The following BARHL2 variants were observed in gnomAD, a reference collection of about 807,000 sequenced individuals.
The protein encoded by BARHL2 is BarH like homeobox 2.
Under a neutral mutation model 27.1 loss-of-function variants are expected in BARHL2, and 10 were observed. The ratio of observed to expected loss-of-function variants is 0.37; its 90% CI spans 0.23 to 0.63. BARHL2 has a LOEUF of 0.63. Among genes scored for constraint, BARHL2 ranks in the 20% least tolerant of loss-of-function variants. The pLI, the probability that BARHL2 is intolerant of heterozygous loss-of-function variation, is 0.65. For synonymous variants in BARHL2, 248 were observed against 224.7 expected (o/e 1.10, Z -0.93); for missense variants, 483 against 533.5 (o/e 0.91, Z 0.93).
At chr1:90,715,483 C>T (rs1275791726) in intron 1 of BARHL2, among the ~76,000 whole-genome samples, 2 of 151,982 alleles carry the variant, frequency 1.3e-5, no homozygotes, top group Non-Finnish European at 2.9e-5. Flanking sequence ...CTGTTTGTAC[C>T]CGTTTGTGCA....
At chr1:90,712,906 CTCTGCTG>C (rs1241337326) in intron 2 of BARHL2, among the ~76,000 whole-genome samples, 1 of 152,182 alleles carries the variant, frequency 6.6e-6, no homozygotes, top group Non-Finnish European at 1.5e-5. Context: ...TAAACCTCTG[CTCTGCTG>C]TCGCCCCCCT....
chr1:90,714,478 G>T, intron 2 of BARHL2, 53 bp downstream of exon 2: 2 of 1,517,074 alleles, frequency 1.3e-6, no homozygotes, highest in South Asian at 1.1e-5. Flanking sequence ...TTGGTATAAT[G>T]ATCATGACTT....
intron 2 of BARHL2, 69 bp downstream of exon 2, chr1:90,714,459 GGAA>G: frequency 7.0e-7 from 1 of 1,423,120 alleles, no homozygotes; most frequent in East Asian, 2.3e-5. Flanking sequence ...AGGCCAGGAG[GGAA>G]GAAGATTGGT....
chr1:90,716,262 T>C (rs1300062020), intron 1 of BARHL2, among the ~76,000 whole-genome samples: 1 of 152,104 alleles, frequency 6.6e-6, no homozygotes, highest in African/African-American at 2.4e-5. Context: ...ATCCCTTTTA[T>C]CAACGAAAAG....
In BARHL2 at chr1:90,716,577, A is replaced by G. The variant is rs764523816; in HGVS notation, c.619T>C (p.Cys207Arg). The G allele has an allele frequency of 1.2e-6, 2 of 1,614,122 alleles. No homozygotes were observed. The stretch of plus-strand genomic sequence containing the variant: ...GCCGGGTGGCGGGACTCACCGTGGC[A>G]TTTGATGTCGCTCTGGGAATCCTCC... ...KREDSQSDIKCHGTKEEGDRE... is the reference protein window; with the variant it reads ...KREDSQSDIKRHGTKEEGDRE... Residue 207 changes from cysteine to arginine, a missense_variant, in exon 1 of 3, where the codon TGC becomes CGC. By Grantham distance (180) the Cys-to-Arg change is radical. This residue lies in a region of BARHL2 where 304 missense variants were observed against 284.9 expected (regional missense o/e 1.07). Coordinates refer to ENST00000370445, the MANE Select transcript of BARHL2 (RefSeq NM_020063.2).
chr1:90,713,546 C>T (rs1005077919), intron 2 of BARHL2, among the ~76,000 whole-genome samples: 6 of 152,078 alleles, frequency 3.9e-5, no homozygotes, highest in Admixed American at 2.0e-4. Flanking sequence ...TAATGTTTTC[C>T]GACAGAATTA....
Position 90,712,375 on chromosome 1 carries a change from A to G in BARHL2, c.1101T>C (p.Pro367=). The G allele has an allele frequency of 6.4e-7, 1 of 1,565,660 alleles. No individual in the cohort carries two copies. Among genetic ancestry groups the G allele is most frequent in the Non-Finnish European group, 8.7e-7 (1 of 1,152,164 alleles). ...ATGGATTAAGGGCTGGCTGTCCCCC[A>G]GGCCCTAGGCCGTGGATGAGCACAC... The part of the protein sequence containing the change: ...VPRVLIHGLG[P]GGQPALNPLS... The change falls in exon 3 of 3, where the codon CCT becomes CCC. Residue 367 remains proline (P), a synonymous_variant. Coordinates refer to ENST00000370445, the MANE Select transcript of BARHL2 (RefSeq NM_020063.2).
chr1:90,715,858 A>G (rs1396308451), intron 1 of BARHL2, among the ~76,000 whole-genome samples: 2 of 152,300 alleles, frequency 1.3e-5, no homozygotes, highest in Admixed American at 1.3e-4. Flanking sequence ...TTTTAACAAA[A>G]AAGAGATTAA....
At position 90,714,605 on chromosome 1, in the gene BARHL2, C is replaced by A; in HGVS notation, c.777G>T (p.Val259=). The A allele has an allele frequency of 6.2e-7, 1 of 1,614,250 alleles. No individual in the cohort carries two copies. Among genetic ancestry groups the A allele is most frequent in the Non-Finnish European group, 8.5e-7 (1 of 1,180,044 alleles). The change falls in exon 2 of 3, where the codon GTG becomes GTT. Residue 259 remains valine (V), a synonymous_variant. Coordinates refer to ENST00000370445, the MANE Select transcript of BARHL2 (RefSeq NM_020063.2). The part of the protein sequence containing the change: ...RSFERQKYLS[V]QDRMDLAAAL... ...CTGCAGCCAGGTCCATGCGATCCTG[C>A]ACGCTCAGGTACTTCTGCCGCTCAA...
Position 90,716,898 on chromosome 1 carries a change from C to T in BARHL2, c.298G>A (p.Ala100Thr), listed in dbSNP as rs1278735674. ...AAAGGCTGCAAACTTTGCGTCGGGGCCGCGGCCGGCGGCGGCGGCTGCTGG... is the reference window on the plus strand; with the variant it reads ...AAAGGCTGCAAACTTTGCGTCGGGGTCGCGGCCGGCGGCGGCGGCTGCTGG... The part of the protein sequence containing the change: ...HSQQPPPPAA[A>T]PTQSLQPLPQ... Residue 100 changes from alanine (A) to threonine (T), a missense_variant, in exon 1 of 3, where the codon GCC (alanine) becomes ACC (threonine). Around this residue, in one of 3 missense-constraint regions of BARHL2, gnomAD observed 304 missense variants for 284.9 expected, o/e 1.07. Coordinates refer to ENST00000370445, the MANE Select transcript of BARHL2 (RefSeq NM_020063.2). The T allele has an allele frequency of 5.0e-6, 8 of 1,596,136 alleles. No homozygotes were observed. In the South Asian group the frequency reaches 7.8e-5, roughly 16 times the overall value.
chr1:90,713,153 G>A (rs542017882), intron 2 of BARHL2, among the ~76,000 whole-genome samples: 163 of 152,240 alleles, frequency 1.1e-3, no homozygotes, highest in African/African-American at 3.7e-3. Context: ...AGTCCCCAGG[G>A]CTGGGAGACA....
Position 90,717,163 on chromosome 1 carries a change from A to G in BARHL2, c.33T>C (p.Phe11=), listed in dbSNP as rs1315230064. The stretch of plus-strand genomic sequence containing the variant: ...CACTGGACAAAATCGTGTCTATTCC[A>G]AAACTCGACCCGCTGGCCCCTTCCA... MTMEGASGSS[F]GIDTILSSAS... Residue 11 remains phenylalanine, a synonymous_variant, in exon 1 of 3, where the codon TTT becomes TTC. Transcript: ENST00000370445. 6.2e-7 allele frequency: 1 copy of G among 1,613,542 alleles called. No homozygotes were observed. Among genetic ancestry groups the G allele is most frequent in the Non-Finnish European group, 8.5e-7 (1 of 1,179,868 alleles).
chr1:90,716,699 G>A lies in BARHL2; in HGVS notation c.497C>T (p.Ser166Phe). Residue 166 changes from serine (S) to phenylalanine (F), a missense_variant, in exon 1 of 3, where the codon TCT becomes TTT. Transcript: ENST00000370445. Reference sequence around the variant, plus strand: ...CTCCTGCTTCGGGGTGTGGTGGGGAGAGGATACGCTGGTGCTGTAGGGTGC... The same window carrying A: ...CTCCTGCTTCGGGGTGTGGTGGGGAAAGGATACGCTGGTGCTGTAGGGTGC... ...ACAPYSTSVS[S>F]PHHTPKQESN... 1.2e-5 allele frequency: 20 copies of A among 1,612,006 alleles called. No homozygotes were observed. The highest frequency in any genetic ancestry group is 1.7e-5 in the Non-Finnish European group (20 of 1,179,036).
rs757038922 is a variant in BARHL2 at position 90,716,930 on chromosome 1, T to G, written c.266A>C (p.His89Pro). 6.2e-7 allele frequency: 1 copy of G among 1,609,370 alleles called. No homozygotes were observed. The highest frequency in any genetic ancestry group is 1.3e-5 in the African/African-American group (1 of 74,194). ...ADATQHHHHL[H>P]HSQQPPPPAA... The stretch of plus-strand genomic sequence containing the variant: ...CGGCGGCGGCGGCTGCTGGCTGTGG[T>G]GGAGGTGGTGATGATGCTGGGTCGC... Residue 89 changes from histidine (H) to proline (P), a missense_variant, in exon 1 of 3, where the codon CAC (histidine) becomes CCC (proline). By Grantham distance (77) the His-to-Pro change is moderately conservative. Transcript: ENST00000370445.
At chr1:90,716,391 C>T (rs1658144328) in intron 1 of BARHL2, among the ~76,000 whole-genome samples, 180 bp downstream of exon 1, 4 of 152,190 alleles carry the variant, frequency 2.6e-5, no homozygotes, top group Admixed American at 1.3e-4. Context: ...AACAGAACTT[C>T]GAGGAGTCCC....
At chr1:90,716,526 G>A (rs1658147039) in intron 1 of BARHL2, 45 bp downstream of exon 1, 2 of 1,589,996 alleles carry the variant, frequency 1.3e-6, no homozygotes, top group Admixed American at 1.7e-5. Flanking sequence ...TTGGGAACCA[G>A]GAGGACAAGC....
chr1:90,714,466 G>T, intron 2 of BARHL2, 65 bp downstream of exon 2: 1 of 1,462,790 alleles, frequency 6.8e-7, no homozygotes. Context: ...GAGGGAAGAA[G>T]ATTGGTATAA....
Position 90,712,600 on chromosome 1 carries a change from C to T in BARHL2, c.876G>A (p.Ala292=), listed in dbSNP as rs370927916. Residue 292 remains alanine, a synonymous_variant, in exon 3 of 3, where the codon GCG becomes GCA. Coordinates refer to ENST00000370445, the MANE Select transcript of BARHL2 (RefSeq NM_020063.2). The part of the protein sequence containing the change: ...NRRTKWKRQT[A]VGLELLAEAG... ...CCTCGGCCAGCAACTCCAGGCCCAC[C>T]GCTGTCTGCCGCTTCCACTTGGTCC... The T allele has an allele frequency of 6.6e-5, 106 of 1,608,122 alleles. No individual in the cohort carries two copies. Among genetic ancestry groups the T allele is most frequent in the Middle Eastern group, 3.3e-4 (2 of 5,980 alleles).
chr1:90,712,170 A>G lies in BARHL2; in HGVS notation c.*142T>C. On this transcript the variant is annotated 3_prime_UTR_variant, in exon 3 of 3. Transcript: ENST00000370445. ...TTTGGGGGTCCCCTGCCCACTGGTA[A>G]GCATCTTCCTCTCTTACTCCTCTGC... is the stretch of plus-strand genomic sequence containing the variant. 1.1e-6 allele frequency: 1 copy of G among 909,436 alleles called. No homozygotes were observed. The highest frequency in any genetic ancestry group is 2.9e-5 in the South Asian group (1 of 34,730). 56.3% of individuals were successfully genotyped at this position (909,436 alleles called of 1,614,324 possible).
Sources: gnomAD v4.1 joint callset for allele counts (sites outside exome capture counted in the v4.1 genomes callset) on GRCh38, gnomAD v4.1.1 for gene constraint, gnomAD v4.1.1 regional missense constraint, MANE v1.5 for transcripts, NCBI Gene and HGNC (gene_info 2026-07-23, HGNC 2026-07-21) for gene names.